Variants in CHD9 observed in about 807,000 individuals in gnomAD.
CHD9 encodes the protein ATP-dependent chromatin remodeler CHD9.
In CHD9, 77 loss-of-function variants were observed where a neutral mutation model predicts 316.1. The ratio of observed to expected loss-of-function variants is 0.24; its 90% CI spans 0.20 to 0.29. The LOEUF is 0.29. CHD9 is among the 10% of genes least tolerant of loss of function. The pLI is 1.00. For synonymous variants in CHD9, 1,129 were observed against 1,158.3 expected, an observed-to-expected ratio of 0.97 and a Z score of 0.51; for missense variants, 2,763 against 3,438.1, an observed-to-expected ratio of 0.80 and a Z score of 4.91.
At chr16:53,210,303 A>C (rs1361366085) in intron 3 of CHD9, among the ~76,000 whole-genome samples, 1 of 151,912 alleles carries the variant, frequency 6.6e-6, no homozygotes, top group Non-Finnish European at 1.5e-5. Flanking sequence ...AAAAAAAAAA[A>C]AAACACTAAT....
chr16:53,273,348 G>A (rs1275239414), intron 22 of CHD9, among the ~76,000 whole-genome samples: 1 of 151,866 alleles, frequency 6.6e-6, no homozygotes, highest in Non-Finnish European at 1.5e-5. Flanking sequence ...TGATCTTTTG[G>A]GTTTTATATT....
intron 1 of CHD9, among the ~76,000 whole-genome samples, chr16:53,090,177 C>T (rs555768416): frequency 6.6e-6 from 1 of 152,260 alleles, no homozygotes; most frequent in Non-Finnish European, 1.5e-5. Context: ...AGGTTCTGAA[C>T]ACATTGAGAA....
chr16:53,224,842 T>A (rs932434090), intron 4 of CHD9, among the ~76,000 whole-genome samples: 2 of 152,166 alleles, frequency 1.3e-5, no homozygotes, highest in African/African-American at 4.8e-5. Flanking sequence ...ATCCATAGAA[T>A]TCCCCCCTCC....
At chr16:53,227,328 A>C (rs2047743029) in intron 5 of CHD9, 68 bp from the exon 6 acceptor site, 3 of 967,142 alleles carry the variant, frequency 3.1e-6, no homozygotes, top group Non-Finnish European at 4.8e-6. Context: ...GTTCATCAAC[A>C]TACAAAGTGG....
At chr16:53,305,953 C>T (rs566534786) in intron 31 of CHD9, among the ~76,000 whole-genome samples, 5 of 152,058 alleles carry the variant, frequency 3.3e-5, no homozygotes, top group East Asian at 1.9e-4. Flanking sequence ...TGAAGTCAGG[C>T]GTAGTGCACA....
rs1567531598 is a variant in CHD9 at position 53,235,032 on chromosome 16, AG to A, written c.2512-152del. 21 of 501,156 alleles carry A rather than the reference AG, an allele frequency of 4.2e-5. No homozygotes were observed. The South Asian group carries it at 8.9e-4, about 21-fold the overall frequency. 31.0% of individuals were successfully genotyped at this position (501,156 alleles called of 1,614,324 possible). ...CTTCAGTTTTCTGGAAGAGTTGTAT[AG>A]AATTAATTTGACCTTTAAATGTTAG... On this transcript the variant is annotated intron_variant, in intron 10 of 38. Transcript: ENST00000447540.
At chr16:53,103,774 T>C (rs1016076133) in intron 1 of CHD9, among the ~76,000 whole-genome samples, 4 of 152,262 alleles carry the variant, frequency 2.6e-5, no homozygotes, top group African/African-American at 9.6e-5. Flanking sequence ...TAGTGCCTTA[T>C]AGTTTTTAAA....
At chr16:53,098,351 C>T (rs2036552181) in intron 1 of CHD9, among the ~76,000 whole-genome samples, 1 of 151,820 alleles carries the variant, frequency 6.6e-6, no homozygotes, top group East Asian at 1.9e-4. Flanking sequence ...TGTTGGGCAT[C>T]TGTAATCCCA....
At position 53,291,776 on chromosome 16, in the gene CHD9, C is replaced by G; in HGVS notation, c.5290+9C>G. 6.6e-7 allele frequency: 1 copy of G among 1,518,772 alleles called. No homozygotes were observed. The highest frequency in any genetic ancestry group is 8.9e-7 in the Non-Finnish European group (1 of 1,122,108). 94.1% of individuals were successfully genotyped at this position (1,518,772 alleles called of 1,614,324 possible). A position where few individuals can be genotyped will look rare whatever the true frequency, so the allele number is the denominator to read the frequency against. ...TGTTATAGCAGATGGAGGTAAATTG[C>G]ACGTACTTCTGTACTTAGTATTATT... On this transcript the variant is annotated intron_variant, in intron 28 of 38. Transcript: ENST00000447540.
chr16:53,226,574 T>G (rs1597514384), intron 5 of CHD9, 62 bp downstream of exon 5: 1 of 1,532,166 alleles, frequency 6.5e-7, no homozygotes, highest in Non-Finnish European at 8.8e-7. Flanking sequence ...CTATAAATAC[T>G]TGCATTGTTT....
intron 1 of CHD9, among the ~76,000 whole-genome samples, chr16:53,143,426 C>T (rs185046126): frequency 2.7e-5 from 4 of 150,798 alleles, no homozygotes; most frequent in African/African-American, 7.3e-5. Flanking sequence ...CTCGCTCTGT[C>T]GCCCAGGCTG....
chr16:53,217,536 G>T lies in CHD9; in HGVS notation c.1785-5108G>T, dbSNP rs190392554. Among the ~76,000 whole-genome samples, 559 of 152,260 alleles carry T rather than the reference G, an allele frequency of 3.7e-3. 6 individuals are homozygous for T. The highest frequency in any genetic ancestry group is 0.013 in the African/African-American group (526 of 41,552). On this transcript the variant is annotated intron_variant, in intron 3 of 38. Coordinates refer to ENST00000447540, the MANE Select transcript of CHD9 (RefSeq NM_001308319.2). ...CCAAAAGTGCTGGGATCACAGGCGT[G>T]AGCCACCACACCTGTCTAGAATCTG... is the stretch of plus-strand genomic sequence containing the variant.
chr16:53,073,879 T>C (rs1207010430), intron 1 of CHD9, among the ~76,000 whole-genome samples: 1 of 152,162 alleles, frequency 6.6e-6, no homozygotes, highest in Non-Finnish European at 1.5e-5. Context: ...AGTAAATTGG[T>C]ACCAGTAGAG....
intron 1 of CHD9, among the ~76,000 whole-genome samples, chr16:53,081,387 A>C (rs190228417): frequency 2.6e-5 from 4 of 152,270 alleles, no homozygotes; most frequent in African/African-American, 9.6e-5. Flanking sequence ...GGCAAAGACT[A>C]TGGGGCAATA....
chr16:53,088,805 C>A (rs1335387612), intron 1 of CHD9, among the ~76,000 whole-genome samples: 2 of 151,796 alleles, frequency 1.3e-5, no homozygotes, highest in Non-Finnish European at 2.9e-5. Flanking sequence ...CATAGTGAGA[C>A]CCTGTCTTTA....
intron 2 of CHD9, among the ~76,000 whole-genome samples, chr16:53,204,561 TTTG>T (rs1049688695): frequency 7.2e-5 from 11 of 152,140 alleles, no homozygotes; most frequent in African/African-American, 1.9e-4. Flanking sequence ...TTGTTTTTGT[TTTG>T]TTGTTGTTTT....
intron 2 of CHD9, among the ~76,000 whole-genome samples, chr16:53,173,429 A>G (rs1246073348): frequency 6.6e-6 from 1 of 152,102 alleles, no homozygotes; most frequent in Non-Finnish European, 1.5e-5. Context: ...AAGTATGGCT[A>G]TAGGTTTACC....
At chr16:53,169,503 C>A (rs1257344094) in intron 2 of CHD9, 3 of 152,060 alleles carry the variant, frequency 2.0e-5, no homozygotes, top group Non-Finnish European at 4.4e-5. Context: ...CTCATTTTTT[C>A]TAATCTTTTA....
intron 1 of CHD9, among the ~76,000 whole-genome samples, chr16:53,105,014 A>C (rs2037210637): frequency 1.3e-5 from 2 of 151,450 alleles, no homozygotes; most frequent in South Asian, 2.1e-4. Flanking sequence ...CAAAAAAAAC[A>C]CAAAAAACTG....
Sources: gnomAD v4.1 joint callset for allele counts (sites outside exome capture counted in the v4.1 genomes callset) on GRCh38, gnomAD v4.1.1 for gene constraint, MANE v1.5 for transcripts, NCBI Gene and HGNC (gene_info 2026-07-23, HGNC 2026-07-21) for gene names.